The following CA5B variants were observed in gnomAD, a reference collection of about 807,000 sequenced individuals.
CA5B encodes carbonic anhydrase 5B, mitochondrial.
A neutral mutation model predicts 23.1 loss-of-function variants in CA5B; 15 were observed. The observed-to-expected ratio is 0.65, with a 90% CI of 0.43 to 1.00. The LOEUF (loss-of-function observed/expected upper bound fraction) is 1.00, where lower values mean the gene tolerates loss of function less well. Ranked by LOEUF, CA5B falls within the 50% of genes least tolerant of loss-of-function variation. The pLI, the probability that CA5B is intolerant of heterozygous loss-of-function variation, is 0.00. For missense variants in CA5B, 236 were observed against 252.2 expected (o/e 0.94, Z 0.43); for synonymous variants, 84 against 98.5 (o/e 0.85, Z 0.87).
At position 15,782,708 on chromosome X, in the gene CA5B, A is replaced by T; in HGVS notation, c.*44A>T. 1 of 959,712 alleles carries T rather than the reference A, an allele frequency of 1.0e-6. No individual in the cohort carries two copies. Among genetic ancestry groups the T allele is most frequent in the Non-Finnish European group, 1.4e-6 (1 of 700,743 alleles). 79.1% of individuals were successfully genotyped at this position (959,712 alleles called of 1,213,427 possible). On this transcript the variant is annotated 3_prime_UTR_variant, in exon 8 of 8. Coordinates refer to ENST00000318636, the MANE Select transcript of CA5B (RefSeq NM_007220.4). ...GTATTTTGCTTTTGCTTTAATATAT[A>T]CTAGCTTACTATAAATTGTTAACTA...
intron 3 of CA5B, chrX:15,769,364 C>A: frequency 4.9e-6 from 2 of 407,307 alleles, no homozygotes; most frequent in Non-Finnish European, 6.2e-6. Flanking sequence ...GAGTAGGACA[C>A]CGTTACTGAT....
chrX:15,742,005 A>C (rs1267048760), intron 1 of CA5B, among the ~76,000 whole-genome samples: 2 of 111,758 alleles, frequency 1.8e-5, no homozygotes, highest in Non-Finnish European at 3.8e-5. Flanking sequence ...AGATTATTGG[A>C]GTTTCACTTC....
intron 2 of CA5B, among the ~76,000 whole-genome samples, chrX:15,762,294 C>T (rs186832931): frequency 2.5e-4 from 27 of 110,190 alleles, no homozygotes; most frequent in South Asian, 1.2e-3. Flanking sequence ...TATTGACTTC[C>T]GGCTTTCAGC....
intron 2 of CA5B, among the ~76,000 whole-genome samples, chrX:15,751,316 A>G (rs1931349866): frequency 8.9e-6 from 1 of 112,068 alleles, no homozygotes; most frequent in Non-Finnish European, 1.9e-5. Flanking sequence ...GCTACATCCA[A>G]GGGCTTGAAA....
chrX:15,766,615 C>G (rs996912266), intron 3 of CA5B, among the ~76,000 whole-genome samples: 2 of 111,183 alleles, frequency 1.8e-5, no homozygotes, highest in Non-Finnish European at 3.8e-5. Flanking sequence ...TTCTAATTCT[C>G]TTAAAGTAAC....
At chrX:15,749,882 A>G (rs895370211) in intron 1 of CA5B, 89 bp from the exon 2 acceptor site, 8 of 668,420 alleles carry the variant, frequency 1.2e-5, no homozygotes, top group Non-Finnish European at 1.6e-5. Flanking sequence ...GTGTACTGCT[A>G]GTCTGAATAT....
chrX:15,776,966 A>T (rs887306093), intron 7 of CA5B, 97 bp downstream of exon 7: 14 of 692,090 alleles, frequency 2.0e-5, no homozygotes, highest in African/African-American at 4.3e-5. Flanking sequence ...AACATCTTGT[A>T]ATGCTTATAC....
chrX:15,750,437 A>G, intron 2 of CA5B: 1 of 240,036 alleles, frequency 4.2e-6, no homozygotes, highest in East Asian at 6.7e-5. Flanking sequence ...TTCTTGACTA[A>G]TTTTAGCATG....
chrX:15,774,506 A>C (rs1022154408), intron 5 of CA5B, 109 bp downstream of exon 5: 40 of 930,088 alleles, frequency 4.3e-5, no homozygotes, highest in Non-Finnish European at 5.4e-5. Flanking sequence ...TACATTGGTA[A>C]GATAAATAGT....
chrX:15,770,773 T>A (rs1056691289), intron 3 of CA5B, among the ~76,000 whole-genome samples: 8 of 109,131 alleles, frequency 7.3e-5, no homozygotes, highest in African/African-American at 2.3e-4. Flanking sequence ...ATGTTTTATT[T>A]ATTTTTATTT....
intron 2 of CA5B, among the ~76,000 whole-genome samples, chrX:15,752,450 G>T (rs1931380841): frequency 8.9e-6 from 1 of 112,275 alleles, no homozygotes; most frequent in African/African-American, 3.2e-5. Context: ...TCTGGGCCAG[G>T]CGCGATGGCT....
rs1932129468 is a variant in CA5B at position 15,787,025 on chromosome X, T to G, written c.*4361T>G. ...AGCAAGGGACAAAAGAGGCCCTGGC[T>G]CCATTGTGAGCCAGTCCCCCAGGGC... On this transcript the variant is annotated 3_prime_UTR_variant, in exon 8 of 8. Transcript: ENST00000318636. 9.0e-6 allele frequency: 1 copy of G among 111,704 alleles called. No homozygotes were observed. The highest frequency in any genetic ancestry group is 9.5e-5 in the Admixed American group (1 of 10,536). The allele number at this position is 111,704 out of a possible 1,213,427, so 9.2% of individuals were successfully genotyped here. A position where few individuals can be genotyped will look rare whatever the true frequency, so the allele number is the denominator to read the frequency against.
At chrX:15,741,895 A>G (rs1931130437) in intron 1 of CA5B, among the ~76,000 whole-genome samples, 1 of 111,492 alleles carries the variant, frequency 9.0e-6, no homozygotes, top group South Asian at 3.7e-4. Context: ...TGAGTGACAG[A>G]CCCTACATTT....
In CA5B at chrX:15,748,512, T is replaced by G. The variant is rs1225291186; in HGVS notation, c.-53-1459T>G. Among the ~76,000 whole-genome samples the G allele has an allele frequency of 3.0e-4, 34 of 111,681 alleles. 1 individual carries two copies. The highest frequency in any genetic ancestry group is 4.6e-3 in the Middle Eastern group (1 of 219). On this transcript the variant is annotated intron_variant, in intron 1 of 7. Coordinates refer to ENST00000318636, the MANE Select transcript of CA5B (RefSeq NM_007220.4). The stretch of plus-strand genomic sequence containing the variant: ...CATGTTTGATATCCTGAGTCAAACA[T>G]TTGCATCTCTTAAATAAGGTGCATT...
rs768769324 is a variant in CA5B at position 15,786,408 on chromosome X, G to C, written c.*3744G>C. The stretch of plus-strand genomic sequence containing the variant: ...TTCTTTCTCCATGCCTTAGTTAGAT[G>C]ACCCTCAAAGGGGCACAGCAGATTT... On this transcript the variant is annotated 3_prime_UTR_variant, in exon 8 of 8. Transcript: ENST00000318636. 2 of 110,918 alleles carry C rather than the reference G, an allele frequency of 1.8e-5. No individual in the cohort carries two copies. Among genetic ancestry groups the C allele is most frequent in the African/African-American group, 3.3e-5 (1 of 30,418 alleles). The allele number at this position is 110,918 out of a possible 1,213,427, so 9.1% of individuals were successfully genotyped here. A position where few individuals can be genotyped will look rare whatever the true frequency, so the allele number is the denominator to read the frequency against.
intron 2 of CA5B, among the ~76,000 whole-genome samples, chrX:15,754,572 A>G (rs1569275753): frequency 8.9e-6 from 1 of 112,404 alleles, no homozygotes; most frequent in Non-Finnish European, 1.9e-5. Context: ...TTGTAATATA[A>G]TAAGATAAAG....
chrX:15,744,866 T>C (rs940941908), intron 1 of CA5B, among the ~76,000 whole-genome samples: 5 of 111,054 alleles, frequency 4.5e-5, no homozygotes, highest in African/African-American at 1.6e-4. Context: ...TGTCCAGCTT[T>C]GATTAAGAAA....
chrX:15,755,413 C>T (rs771025638), intron 2 of CA5B, among the ~76,000 whole-genome samples: 56 of 111,776 alleles, frequency 5.0e-4, no homozygotes, highest in Non-Finnish European at 8.8e-4. Flanking sequence ...TGTGATTCTG[C>T]GATCATCCTC....
chrX:15,772,190 A>T (rs958529153), intron 3 of CA5B, among the ~76,000 whole-genome samples: 2 of 112,355 alleles, frequency 1.8e-5, no homozygotes, highest in Non-Finnish European at 3.8e-5. Context: ...GTGCTGAGAG[A>T]AATTTGCATT....
Sources: allele counts gnomAD v4.1 joint callset (sites outside exome capture counted in the v4.1 genomes callset), GRCh38; gene constraint gnomAD v4.1.1; transcripts MANE v1.5; gene names NCBI Gene and HGNC (gene_info 2026-07-23, HGNC 2026-07-21).